RGS7: variants seen among roughly 807,000 people sequenced by gnomAD.
RGS7 encodes the protein regulator of G-protein signaling 7.
A neutral mutation model predicts 81.1 loss-of-function variants in RGS7; 27 were observed. That is an observed-to-expected ratio of 0.33 (90% CI 0.25 to 0.46). RGS7 has a LOEUF of 0.46. Among genes scored for constraint, RGS7 ranks in the 20% least tolerant of loss-of-function variants. The probability of loss-of-function intolerance (pLI) is 1.00; values close to 1 mark genes in which losing one functional copy is unlikely to be tolerated. For synonymous variants in RGS7, 208 were observed against 207.7 expected (o/e 1.00, Z -0.01); for missense variants, 396 against 607.4 (o/e 0.65, Z 3.66).
chr1:241,195,848 G>A (rs191516579), intron 2 of RGS7, among the ~76,000 whole-genome samples: 1 of 152,080 alleles, frequency 6.6e-6, no homozygotes, highest in East Asian at 1.9e-4. Flanking sequence ...AAATTTATGG[G>A]ACAGGTACAA....
chr1:241,119,645 A>G (rs2102989651), intron 2 of RGS7, among the ~76,000 whole-genome samples: 1 of 152,374 alleles, frequency 6.6e-6, no homozygotes, highest in Admixed American at 6.5e-5. Context: ...AATTCATCAT[A>G]CAATATCCAA....
At chr1:241,259,667 A>AAAAAAAAAATATATAT in intron 2 of RGS7, among the ~76,000 whole-genome samples, 1 of 49,144 alleles carries the variant, frequency 2.0e-5, no homozygotes, top group African/African-American at 7.9e-5. Context: ...AAAAAAAAAA[A>AAAAAAAAAATATATAT]ATATATATAT....
chr1:240,875,139 C>G (rs780416545), intron 6 of RGS7, among the ~76,000 whole-genome samples: 1 of 152,216 alleles, frequency 6.6e-6, no homozygotes, highest in African/African-American at 2.4e-5. Flanking sequence ...CAACAGTCTT[C>G]CAGAACTTAG....
Position 240,978,158 on chromosome 1 carries a change from T to C in RGS7, c.226+4921A>G, listed in dbSNP as rs909850868. 5.3e-5 allele frequency among the ~76,000 whole-genome samples: 8 copies of C among 152,322 alleles called. No individual in the cohort carries two copies. In the East Asian group the frequency reaches 1.4e-3, roughly 26 times the overall value. ...CCCACTGACATATACATACATTAAGTAATCTAAGGAGAATCCATCCACCCT... is the reference window on the plus strand; with the variant it reads ...CCCACTGACATATACATACATTAAGCAATCTAAGGAGAATCCATCCACCCT... On this transcript the variant is annotated intron_variant, in intron 4 of 18. Transcript: ENST00000440928.
intron 4 of RGS7, among the ~76,000 whole-genome samples, chr1:240,955,943 GA>G (rs966031628): frequency 6.7e-6 from 1 of 148,282 alleles, no homozygotes; most frequent in African/African-American, 2.5e-5. Flanking sequence ...ACATAGGAGG[GA>G]ATCTGTCTGA....
chr1:240,809,887 A>T (rs1487005943), intron 14 of RGS7, among the ~76,000 whole-genome samples: 1 of 152,174 alleles, frequency 6.6e-6, no homozygotes, highest in African/African-American at 2.4e-5. Context: ...ATGTGTGTGT[A>T]TATATATAAG....
intron 2 of RGS7, among the ~76,000 whole-genome samples, chr1:241,239,425 G>A (rs902922272): frequency 3.9e-5 from 6 of 152,082 alleles, no homozygotes; most frequent in African/African-American, 1.4e-4. Context: ...AGCAGTCTTT[G>A]TAAATCACAA....
At chr1:241,212,798 G>A (rs993674629) in intron 2 of RGS7, among the ~76,000 whole-genome samples, 3 of 152,180 alleles carry the variant, frequency 2.0e-5, no homozygotes, top group South Asian at 2.1e-4. Context: ...TAGGGCTTCC[G>A]CGTTGTTGTA....
chr1:240,798,155 A>C (rs1013042119), intron 18 of RGS7, among the ~76,000 whole-genome samples: 6 of 152,194 alleles, frequency 3.9e-5, no homozygotes, highest in African/African-American at 1.4e-4. Flanking sequence ...ATTGTTGTGC[A>C]TGCAAACAAT....
At chr1:241,245,990 G>A (rs761125798) in intron 2 of RGS7, among the ~76,000 whole-genome samples, 8 of 151,908 alleles carry the variant, frequency 5.3e-5, no homozygotes, top group Admixed American at 2.0e-4. Flanking sequence ...TGTAGTCCCA[G>A]CTACTCGGAA....
chr1:241,319,151 A>T (rs959475655), intron 2 of RGS7, among the ~76,000 whole-genome samples: 1 of 152,212 alleles, frequency 6.6e-6, no homozygotes, highest in Non-Finnish European at 1.5e-5. Context: ...TGCCTCTGGC[A>T]TCTTTAACTT....
intron 2 of RGS7, among the ~76,000 whole-genome samples, chr1:241,115,116 G>A (rs1190257850): frequency 6.6e-6 from 1 of 152,172 alleles, no homozygotes; most frequent in Admixed American, 6.5e-5. Context: ...AGAAAATGCT[G>A]TAATCCTGTT....
intron 9 of RGS7, among the ~76,000 whole-genome samples, chr1:240,851,798 T>C (rs981741933): frequency 6.6e-6 from 1 of 152,148 alleles, no homozygotes; most frequent in Non-Finnish European, 1.5e-5. Context: ...GCAGATGTGG[T>C]GGAAATAGCG....
chr1:240,808,928 G>A (rs1241110315), intron 14 of RGS7, among the ~76,000 whole-genome samples: 2 of 141,598 alleles, frequency 1.4e-5, no homozygotes, highest in African/African-American at 5.2e-5. Context: ...AGCTAAGTAA[G>A]TATTTTTAAT....
At chr1:241,098,040 T>G (rs1264894205) in intron 3 of RGS7, among the ~76,000 whole-genome samples, 5 of 152,232 alleles carry the variant, frequency 3.3e-5, no homozygotes, top group Non-Finnish European at 7.3e-5. Context: ...CTTGTCACAG[T>G]GCTATTGCCC....
rs140823084 is a variant in RGS7, at chr1:241,195,196, C to T, written c.79-96434G>A. ...TAGCATATTAAATAGATTTGACCAGCGGGGCGTGGTAGCTCACGCCTGTAA... is the reference window on the plus strand; with the variant it reads ...TAGCATATTAAATAGATTTGACCAGTGGGGCGTGGTAGCTCACGCCTGTAA... On this transcript the variant is annotated intron_variant, in intron 2 of 18. Coordinates refer to ENST00000440928, the MANE Select transcript of RGS7 (RefSeq NM_001364886.1). Among the ~76,000 whole-genome samples, 643 of 152,278 alleles carry T rather than the reference C, an allele frequency of 4.2e-3. 12 individuals carry two copies. Among genetic ancestry groups the T allele is most frequent in the African/African-American group, 0.015 (609 of 41,560 alleles).
At chr1:240,917,850 T>C (rs1381374219) in intron 6 of RGS7, among the ~76,000 whole-genome samples, 4 of 152,142 alleles carry the variant, frequency 2.6e-5, no homozygotes, top group East Asian at 1.9e-4. Flanking sequence ...GAACCAACTA[T>C]ATTCTGTTTA....
chr1:241,066,907 T>C (rs774879314), intron 3 of RGS7, among the ~76,000 whole-genome samples: 5 of 152,174 alleles, frequency 3.3e-5, no homozygotes, highest in Non-Finnish European at 4.4e-5. Flanking sequence ...GTGAAACAAA[T>C]AATTAACTTA....
intron 3 of RGS7, among the ~76,000 whole-genome samples, chr1:240,995,509 CATTG>C (rs1306034969): frequency 1.6e-4 from 24 of 151,980 alleles, no homozygotes. Flanking sequence ...TCTTAATAGT[CATTG>C]ATTGCGCTAT....
Sources: allele counts gnomAD v4.1 joint callset (sites outside exome capture counted in the v4.1 genomes callset), GRCh38; gene constraint gnomAD v4.1.1; transcripts MANE v1.5; gene names NCBI Gene and HGNC (gene_info 2026-07-23, HGNC 2026-07-21).